The following LIMK1 variants were observed in gnomAD, a reference collection of about 807,000 sequenced individuals.
LIMK1 encodes the protein LIM domain kinase 1, also known as LIM motif-containing protein kinase.
In LIMK1, 21 loss-of-function variants were observed where a neutral mutation model predicts 77.6. The ratio of observed to expected loss-of-function variants is 0.27; its 90% CI spans 0.19 to 0.39. The LOEUF is 0.39. LIMK1 is among the 10% of genes least tolerant of loss of function. The pLI is 1.00. For missense variants in LIMK1, 696 were observed against 901.6 expected, an observed-to-expected ratio of 0.77 and a Z score of 2.92; for synonymous variants, 358 against 370.0, an observed-to-expected ratio of 0.97 and a Z score of 0.37.
intron 13 of LIMK1, among the ~76,000 whole-genome samples, chr7:74,116,244 A>G (rs1554699451): frequency 1.3e-5 from 2 of 151,844 alleles, no homozygotes; most frequent in East Asian, 1.9e-4. Context: ...AAAAATACAA[A>G]AATTAGCTGG....
chr7:74,113,630 A>C (rs1461113877), intron 12 of LIMK1, among the ~76,000 whole-genome samples: 7 of 151,452 alleles, frequency 4.6e-5, no homozygotes, highest in African/African-American at 1.7e-4. Context: ...GTCTCAAAAA[A>C]AAAAAAGCAT....
At chr7:74,111,440 G>GAAA in intron 10 of LIMK1, 19 of 467,042 alleles carry the variant, frequency 4.1e-5, no homozygotes, top group East Asian at 7.1e-5. Flanking sequence ...TCCATCTAAA[G>GAAA]AAAAAAAAAA....
intron 11 of LIMK1, 52 bp from the exon 12 acceptor site, chr7:74,111,881 G>A: frequency 3.3e-6 from 5 of 1,536,308 alleles, no homozygotes; most frequent in Non-Finnish European, 4.5e-6. Context: ...GCCAGGATGG[G>A]CTGGGGTCCC....
intron 2 of LIMK1, among the ~76,000 whole-genome samples, chr7:74,090,769 A>G (rs1799220659): frequency 6.6e-6 from 1 of 152,190 alleles, no homozygotes; most frequent in South Asian, 2.1e-4. Flanking sequence ...GGAGGTGGCC[A>G]GTGATTTCCA....
At chr7:74,089,508 A>C (rs1554694482) in intron 2 of LIMK1, among the ~76,000 whole-genome samples, 3 of 150,530 alleles carry the variant, frequency 2.0e-5, no homozygotes, top group Admixed American at 6.6e-5. Context: ...TCTCAAAAAA[A>C]AGAAAGAAAG....
At chr7:74,116,496 C>T (rs1181242278) in intron 13 of LIMK1, among the ~76,000 whole-genome samples, 3 of 152,126 alleles carry the variant, frequency 2.0e-5, no homozygotes, top group African/African-American at 7.2e-5. Context: ...GTCAGCCTCA[C>T]CGGGCTGAAA....
At chr7:74,096,897 G>C (rs781917861) in intron 3 of LIMK1, 137 bp downstream of exon 3, 35 of 1,226,392 alleles carry the variant, frequency 2.9e-5, no homozygotes, top group Non-Finnish European at 3.6e-5. Context: ...GAGCCTGACT[G>C]TCTGTCTGTA....
intron 9 of LIMK1, among the ~76,000 whole-genome samples, chr7:74,108,657 A>G (rs1447626628): frequency 6.6e-6 from 1 of 151,522 alleles, no homozygotes; most frequent in Non-Finnish European, 1.5e-5. Flanking sequence ...CAAAAAAAAA[A>G]AAAAGAAAAG....
chr7:74,111,623 C>T (rs1554698640), intron 10 of LIMK1, 25 bp from the exon 11 acceptor site: 1 of 1,605,794 alleles, frequency 6.2e-7, no homozygotes, highest in Non-Finnish European at 8.5e-7. Flanking sequence ...CCGGCCCCAC[C>T]CTGGCCATTC....
intron 12 of LIMK1, among the ~76,000 whole-genome samples, chr7:74,112,724 C>G (rs1237923396): frequency 6.6e-6 from 1 of 151,960 alleles, no homozygotes; most frequent in Non-Finnish European, 1.5e-5. Context: ...ACTTGGGAGG[C>G]TGAAGCAGGA....
intron 2 of LIMK1, among the ~76,000 whole-genome samples, chr7:74,090,276 G>A (rs1422446881): frequency 6.6e-6 from 1 of 152,126 alleles, no homozygotes; most frequent in African/African-American, 2.4e-5. Flanking sequence ...TCAGGAGGCT[G>A]AGGCAGAAGA....
chr7:74,105,769 A>G, intron 5 of LIMK1, 106 bp from the exon 6 acceptor site: 1 of 711,086 alleles, frequency 1.4e-6, no homozygotes. Context: ...CACACGAAGT[A>G]GAATCCTCCA....
At chr7:74,118,418 A>ACACG (rs1799864295) in intron 13 of LIMK1, among the ~76,000 whole-genome samples, 1 of 149,916 alleles carries the variant, frequency 6.7e-6, no homozygotes, top group Non-Finnish European at 1.5e-5. Context: ...ACACACACAC[A>ACACG]CACACACAGA....
chr7:74,104,530 C>T (rs1799527464), intron 5 of LIMK1, among the ~76,000 whole-genome samples: 1 of 151,438 alleles, frequency 6.6e-6, no homozygotes, highest in Non-Finnish European at 1.5e-5. Context: ...GAGCCTGAGG[C>T]AAGAGAATCA....
Position 74,107,165 on chromosome 7 carries a change from G to T in LIMK1, c.1037G>T (p.Gly346Val). The T allele has an allele frequency of 1.2e-6, 2 of 1,612,390 alleles. No individual in the cohort carries two copies. The highest frequency in any genetic ancestry group is 1.1e-5 in the South Asian group (1 of 90,918). ...PSDLIHGEVL[G>V]KGCFGQAIKV... The stretch of plus-strand genomic sequence containing the variant: ...GACCTCATCCACGGGGAGGTGCTGG[G>T]CAAGGGCTGCTTCGGCCAGGCTATC... Residue 346 changes from glycine (G) to valine (V), a missense_variant, in exon 8 of 16, where the codon GGC (glycine) becomes GTC (valine). Physicochemically the swap from Gly to Val is moderately radical, Grantham distance 109. Transcript: ENST00000336180.
Position 74,085,836 on chromosome 7 carries a change from C to T in LIMK1, c.144C>T (p.Asp48=), listed in dbSNP as rs1584103497. The part of the protein sequence containing the change: ...LQALNADWHA[D]CFRCCDCSAS... ...CCCTGAACGCGGACTGGCACGCAGA[C>T]TGCTTCAGGTAGGGTGGGGTGCCCA... Residue 48 remains aspartate (D), a synonymous_variant, in exon 2 of 16, where the codon GAC becomes GAT. Transcript: ENST00000336180. 5.1e-6 allele frequency: 8 copies of T among 1,553,426 alleles called. No homozygotes were observed. The highest frequency in any genetic ancestry group is 7.0e-6 in the Non-Finnish European group (8 of 1,148,924).
intron 13 of LIMK1, among the ~76,000 whole-genome samples, chr7:74,117,314 C>T (rs1043151220): frequency 2.0e-5 from 3 of 152,214 alleles, no homozygotes; most frequent in African/African-American, 7.2e-5. Flanking sequence ...CACCATGGCC[C>T]TCCATCCTTC....
At chr7:74,121,101 C>A in intron 15 of LIMK1, 38 bp from the exon 16 acceptor site, 1 of 1,603,020 alleles carries the variant, frequency 6.2e-7, no homozygotes, top group Non-Finnish European at 8.5e-7. Context: ...ATTCCCGGGA[C>A]AGCCAGACCC....
intron 13 of LIMK1, among the ~76,000 whole-genome samples, chr7:74,118,920 C>T (rs575514267): frequency 6.6e-6 from 1 of 151,930 alleles, no homozygotes; most frequent in South Asian, 2.1e-4. Context: ...TTTCTGAGAC[C>T]GAGTCTTGCT....
Sources: gnomAD v4.1 joint callset for allele counts (sites outside exome capture counted in the v4.1 genomes callset) on GRCh38, gnomAD v4.1.1 for gene constraint, MANE v1.5 for transcripts, NCBI Gene and HGNC (gene_info 2026-07-23, HGNC 2026-07-21) for gene names.